Variants in TP63 observed in about 807,000 individuals in gnomAD.
TP63 encodes tumor protein p63, also known as tumor protein 63.
A neutral mutation model predicts 82.8 loss-of-function variants in TP63; 17 were observed. The observed-to-expected ratio is 0.21, with a 90% CI of 0.14 to 0.31. The LOEUF is 0.31. Ranked by LOEUF, TP63 falls within the 10% of genes least tolerant of loss-of-function variation. The pLI is 1.00. For missense variants in TP63, 648 were observed against 895.3 expected (o/e 0.72, Z 3.52); for synonymous variants, 330 against 321.7 (o/e 1.03, Z -0.28).
At chr3:189,859,238 A>G (rs866058042) in intron 4 of TP63, among the ~76,000 whole-genome samples, 1 of 152,330 alleles carries the variant, frequency 6.6e-6, no homozygotes, top group South Asian at 2.1e-4. Context: ...ACCTATAAAT[A>G]TGTACAATTC....
At chr3:189,671,928 G>A (rs1349117589) in intron 1 of TP63, among the ~76,000 whole-genome samples, 4 of 151,970 alleles carry the variant, frequency 2.6e-5, no homozygotes, top group Non-Finnish European at 5.9e-5. Context: ...GCTGGTTAAG[G>A]TATACAAAGT....
intron 4 of TP63, among the ~76,000 whole-genome samples, chr3:189,811,942 T>C (rs1360030348): frequency 6.6e-6 from 1 of 152,212 alleles, no homozygotes; most frequent in African/African-American, 2.4e-5. Context: ...TTGTGCCTTA[T>C]TATACAACAC....
At chr3:189,706,575 G>C (rs1718218238) in intron 1 of TP63, among the ~76,000 whole-genome samples, 1 of 152,126 alleles carries the variant, frequency 6.6e-6, no homozygotes, top group Non-Finnish European at 1.5e-5. Flanking sequence ...TCTTAATTCT[G>C]TTTTTTCCCT....
intron 1 of TP63, among the ~76,000 whole-genome samples, chr3:189,682,448 G>GA (rs1372969998): frequency 1.4e-5 from 2 of 142,746 alleles, no homozygotes; most frequent in South Asian, 2.2e-4. Context: ...CATTATCCTG[G>GA]AAAAAAATAG....
At chr3:189,717,278 T>C (rs2108763280) in intron 1 of TP63, among the ~76,000 whole-genome samples, 1 of 152,296 alleles carries the variant, frequency 6.6e-6, no homozygotes, top group East Asian at 1.9e-4. Context: ...TAATAACCTT[T>C]CCAACATGCA....
At chr3:189,880,415 A>G (rs1042522556) in intron 10 of TP63, 16 of 1,112,996 alleles carry the variant, frequency 1.4e-5, no homozygotes, top group Middle Eastern at 7.6e-4. Flanking sequence ...TAGACCGGCC[A>G]TTGGTGGGTG....
Position 189,656,625 on chromosome 3 carries a change from C to T in TP63, c.62+25048C>T, listed in dbSNP as rs542900427. ...ATATAAGTTGTCTGTAAAAAACTCA[C>T]TTTAAATACAAGGACAGAGATATTT... is the stretch of plus-strand genomic sequence containing the variant. On this transcript the variant is annotated intron_variant, in intron 1 of 13. Transcript: ENST00000264731. Among the ~76,000 whole-genome samples the T allele has an allele frequency of 3.3e-5, 5 of 152,112 alleles. No individual in the cohort carries two copies. In the South Asian group the frequency reaches 8.3e-4, roughly 25 times the overall value.
chr3:189,641,622 G>A (rs939215639), intron 1 of TP63, among the ~76,000 whole-genome samples: 1 of 152,032 alleles, frequency 6.6e-6, no homozygotes, highest in Non-Finnish European at 1.5e-5. Flanking sequence ...GTAAGTGACT[G>A]CATCAGTATC....
At chr3:189,684,667 G>A (rs1008432849) in intron 1 of TP63, among the ~76,000 whole-genome samples, 1 of 121,534 alleles carries the variant, frequency 8.2e-6, no homozygotes, top group East Asian at 2.3e-4. Flanking sequence ...TTTCACTCTT[G>A]TTGCTCAGCC....
the TP63 span, among the ~76,000 whole-genome samples, chr3:189,625,592 A>G: frequency 4.6e-5 from 7 of 152,334 alleles, no homozygotes; most frequent in Admixed American, 1.3e-4. Flanking sequence ...TTTAATTTCA[A>G]TAATTGAACT....
chr3:189,722,760 A>G (rs185745722), intron 1 of TP63, among the ~76,000 whole-genome samples: 4 of 152,344 alleles, frequency 2.6e-5, no homozygotes, highest in African/African-American at 9.6e-5. Flanking sequence ...CACTTAGATC[A>G]ATGCCCAGCA....
intron 1 of TP63, among the ~76,000 whole-genome samples, chr3:189,643,081 A>G (rs1366628200): frequency 1.3e-5 from 2 of 151,914 alleles, no homozygotes; most frequent in Non-Finnish European, 2.9e-5. Flanking sequence ...AGCTCACTGC[A>G]ACTTCTGCCT....
At chr3:189,616,719 C>T in the TP63 span, among the ~76,000 whole-genome samples, 10 of 152,176 alleles carry the variant, frequency 6.6e-5, no homozygotes, top group Non-Finnish European at 1.3e-4. Context: ...TAATCCAGCT[C>T]ATGATGTGCA....
chr3:189,840,047 TA>T (rs1163912700), intron 4 of TP63, among the ~76,000 whole-genome samples: 2 of 152,222 alleles, frequency 1.3e-5, no homozygotes, highest in Non-Finnish European at 2.9e-5. Flanking sequence ...ATATAAGACA[TA>T]AAGAACTTAG....
intron 1 of TP63, among the ~76,000 whole-genome samples, chr3:189,652,396 G>A (rs1335363862): frequency 6.8e-6 from 1 of 147,074 alleles, no homozygotes; most frequent in Admixed American, 6.7e-5. Context: ...TAGCTCCATT[G>A]TTTTGGCCAA....
intron 3 of TP63, among the ~76,000 whole-genome samples, chr3:189,739,530 A>C (rs998361826): frequency 6.6e-6 from 1 of 152,250 alleles, no homozygotes; most frequent in African/African-American, 2.4e-5. Flanking sequence ...CTATGTGCAT[A>C]TGCAGGTTTA....
intron 10 of TP63, chr3:189,880,100 G>A (rs764520897): frequency 6.2e-7 from 1 of 1,613,790 alleles, no homozygotes; most frequent in Non-Finnish European, 8.5e-7. Flanking sequence ...AGCTTGTGGA[G>A]CCCCGGAGAG....
chr3:189,720,856 A>T (rs1422412532), intron 1 of TP63, among the ~76,000 whole-genome samples: 1 of 152,148 alleles, frequency 6.6e-6, no homozygotes, highest in Admixed American at 6.6e-5. Context: ...CAGCCATCTC[A>T]CACTAAGAGA....
chr3:189,665,178 C>T (rs1714275414), intron 1 of TP63, among the ~76,000 whole-genome samples: 1 of 152,128 alleles, frequency 6.6e-6, no homozygotes. Context: ...GTTTTCTTCA[C>T]TCTGTGTTCA....
Sources: allele counts gnomAD v4.1 joint callset (sites outside exome capture counted in the v4.1 genomes callset), GRCh38; gene constraint gnomAD v4.1.1; transcripts MANE v1.5; gene names NCBI Gene and HGNC (gene_info 2026-07-23, HGNC 2026-07-21).